WNT9A: variants seen among roughly 807,000 people sequenced by gnomAD.
The protein encoded by WNT9A is protein Wnt-9a.
A neutral mutation model predicts 31.4 loss-of-function variants in WNT9A; 8 were observed. The observed-to-expected ratio is 0.26, with a 90% confidence interval of 0.15 to 0.46. WNT9A has a LOEUF of 0.46. Among genes scored for constraint, WNT9A ranks in the 20% least tolerant of loss-of-function variants. The pLI is 0.99. For missense variants in WNT9A, 457 were observed against 522.9 expected (o/e 0.87, Z 1.23); for synonymous variants, 236 against 220.1 (o/e 1.07, Z -0.64).
intron 1 of WNT9A, among the ~76,000 whole-genome samples, chr1:227,943,340 G>T (rs1009469142): frequency 3.9e-5 from 6 of 152,216 alleles, no homozygotes; most frequent in African/African-American, 7.2e-5. Flanking sequence ...TAGAGACAAG[G>T]TTCTTCTCAG....
At chr1:227,938,691 A>AT (rs1258949480) in intron 1 of WNT9A, among the ~76,000 whole-genome samples, 1 of 152,164 alleles carries the variant, frequency 6.6e-6, no homozygotes, top group Non-Finnish European at 1.5e-5. Context: ...ATGTACACAC[A>AT]TAAGATCCAT....
In WNT9A at chr1:227,919,308, CCAGA is replaced by C. The variant is rs1245374919; in HGVS notation, c.*2206_*2209del. 2.0e-5 allele frequency: 3 copies of C among 152,170 alleles called. No homozygotes were observed. Among genetic ancestry groups the C allele is most frequent in the Admixed American group, 6.6e-5 (1 of 15,266 alleles). The allele number at this position is 152,170 out of a possible 1,614,324, so 9.4% of individuals were successfully genotyped here. On this transcript the variant is annotated 3_prime_UTR_variant, in exon 4 of 4. Transcript: ENST00000272164. ...CCCCACCCCTTCTAGCCAGGCTTCA[CCAGA>C]CAAAGGACAAACCCAGCGTCTTGCA...
At position 227,924,054 on chromosome 1, in the gene WNT9A, G is replaced by A. The variant is rs920141834; in HGVS notation, c.615+84C>T. On this transcript the variant is annotated intron_variant, in intron 3 of 3. Coordinates refer to ENST00000272164, the MANE Select transcript of WNT9A (RefSeq NM_003395.4). ...TGCCTGCCTGCCCTGCTGCAGCCCC[G>A]CCCCCAGTCCCACGCCCCACCCCCA... The A allele has an allele frequency of 2.6e-4, 39 of 148,286 alleles. 1 individual carries two copies. Among genetic ancestry groups the A allele is most frequent in the Middle Eastern group, 6.5e-3 (2 of 308 alleles). 9.2% of individuals were successfully genotyped at this position (148,286 alleles called of 1,614,324 possible).
chr1:227,944,277 G>A (rs183080310), intron 1 of WNT9A, among the ~76,000 whole-genome samples: 89 of 152,272 alleles, frequency 5.8e-4, no homozygotes, highest in African/African-American at 2.1e-3. Flanking sequence ...GAGGCCACAC[G>A]GCATAGGATT....
chr1:227,931,490 T>C (rs543871217), intron 1 of WNT9A, among the ~76,000 whole-genome samples: 1 of 152,360 alleles, frequency 6.6e-6, no homozygotes, highest in East Asian at 1.9e-4. Context: ...GGCAAAAAGA[T>C]TTCCTTTCTG....
chr1:227,946,131 C>T lies in WNT9A; in HGVS notation c.95+1662G>A, dbSNP rs916431770. Among the ~76,000 whole-genome samples the T allele has an allele frequency of 5.9e-5, 9 of 152,250 alleles. 1 individual carries two copies. Among genetic ancestry groups the T allele is most frequent in the African/African-American group, 2.2e-4 (9 of 41,470 alleles). ...GGGGGCCTGGCCAGAGAAGCCACAA[C>T]AGCACTTAAGTCCTTGCTATGCGCC... is the stretch of plus-strand genomic sequence containing the variant. On this transcript the variant is annotated intron_variant, in intron 1 of 3. Coordinates refer to ENST00000272164, the MANE Select transcript of WNT9A (RefSeq NM_003395.4).
intron 1 of WNT9A, 38 bp downstream of exon 1, chr1:227,947,755 C>G: frequency 9.5e-7 from 1 of 1,052,410 alleles, no homozygotes; most frequent in Non-Finnish European, 1.1e-6. Flanking sequence ...CCCGCCGCCC[C>G]CGCCCACCAG....
intron 1 of WNT9A, among the ~76,000 whole-genome samples, chr1:227,945,309 A>G (rs1388446125): frequency 2.0e-5 from 3 of 152,196 alleles, no homozygotes; most frequent in African/African-American, 7.2e-5. Flanking sequence ...GAGGAGGCAC[A>G]TGGACATAGC....
chr1:227,938,428 C>T (rs913145747), intron 1 of WNT9A, among the ~76,000 whole-genome samples: 4 of 151,732 alleles, frequency 2.6e-5, no homozygotes, highest in East Asian at 1.9e-4. Flanking sequence ...CACACCCATA[C>T]GAACCCATAA....
chr1:227,932,767 C>T (rs867329005), intron 1 of WNT9A, among the ~76,000 whole-genome samples: 4 of 152,192 alleles, frequency 2.6e-5, no homozygotes, highest in South Asian at 2.1e-4. Context: ...CTTGGGTGAA[C>T]GGGACACTGC....
chr1:227,940,782 A>G (rs1666689902), intron 1 of WNT9A, among the ~76,000 whole-genome samples: 1 of 152,226 alleles, frequency 6.6e-6, no homozygotes, highest in South Asian at 2.1e-4. Context: ...CCAGCTGGAC[A>G]GCTGGGCTTC....
At chr1:227,931,122 T>C (rs1355551650) in intron 1 of WNT9A, among the ~76,000 whole-genome samples, 1 of 152,114 alleles carries the variant, frequency 6.6e-6, no homozygotes, top group Admixed American at 6.5e-5. Context: ...AGTCTAACAC[T>C]GCCACCGAGG....
At chr1:227,938,112 C>T (rs772898388) in intron 1 of WNT9A, among the ~76,000 whole-genome samples, 3 of 152,142 alleles carry the variant, frequency 2.0e-5, no homozygotes, top group Admixed American at 6.5e-5. Flanking sequence ...CTCACACTTT[C>T]TTGTTCAGCA....
chr1:227,924,441 A>G (rs1261371879), intron 2 of WNT9A, 41 bp from the exon 3 acceptor site: 14 of 1,586,846 alleles, frequency 8.8e-6, no homozygotes, highest in Non-Finnish European at 1.2e-5. Context: ...CAGGCTGCCC[A>G]GAGTTCCCCC....
In WNT9A at chr1:227,921,701, G is replaced by A. The variant is rs1666317711; in HGVS notation, c.915C>T (p.Ser305=). 3.1e-6 allele frequency: 5 copies of A among 1,612,848 alleles called. No individual in the cohort carries two copies. Among genetic ancestry groups the A allele is most frequent in the South Asian group, 1.1e-5 (1 of 91,084 alleles). ...SPSFCLAGRF[S]PGTAGRRCHR... ...GGCACCTACGGCCAGCGGTGCCCGG[G>A]GAGAAGCGGCCAGCCAGGCAGAAGC... Residue 305 remains serine, a synonymous_variant, in exon 4 of 4, where the codon TCC becomes TCT. Transcript: ENST00000272164.
rs1666309388 is a variant in WNT9A, at chr1:227,921,377, C to G, written c.*141G>C. On this transcript the variant is annotated 3_prime_UTR_variant, in exon 4 of 4. Transcript: ENST00000272164. ...GGGACTCAGCCCATGCAGGTGTAGA[C>G]CCATTCACACTGTGTGCAATGCCTG... 1.5e-6 allele frequency: 2 copies of G among 1,355,178 alleles called. No individual in the cohort carries two copies. The highest frequency in any genetic ancestry group is 4.6e-5 in the Admixed American group (2 of 43,308). The allele number at this position is 1,355,178 out of a possible 1,614,324, so 83.9% of individuals were successfully genotyped here.
chr1:227,940,684 C>T (rs1294490606), intron 1 of WNT9A, among the ~76,000 whole-genome samples: 2 of 152,258 alleles, frequency 1.3e-5, no homozygotes, highest in Non-Finnish European at 2.9e-5. Context: ...GCACTGACCT[C>T]AGGTATCGCT....
In WNT9A at chr1:227,921,158, C is replaced by G. The variant is rs1473478559; in HGVS notation, c.*360G>C. 3.7e-6 allele frequency: 1 copy of G among 268,516 alleles called. No homozygotes were observed. Among genetic ancestry groups the G allele is most frequent in the Non-Finnish European group, 7.2e-6 (1 of 139,542 alleles). The allele number at this position is 268,516 out of a possible 1,614,324, so 16.6% of individuals were successfully genotyped here. ...CTCTGAGCAGCAGGGCTGACTGGGC[C>G]CAGGGCCTCAGCCCTTGCAGGTGTA... On this transcript the variant is annotated 3_prime_UTR_variant, in exon 4 of 4. Transcript: ENST00000272164.
intron 1 of WNT9A, among the ~76,000 whole-genome samples, chr1:227,940,475 G>A (rs1271521305): frequency 6.6e-6 from 1 of 152,104 alleles, no homozygotes; most frequent in African/African-American, 2.4e-5. Context: ...ATCCCTTCTG[G>A]AGCTCACTCT....
Sources: allele counts gnomAD v4.1 joint callset (sites outside exome capture counted in the v4.1 genomes callset), GRCh38; gene constraint gnomAD v4.1.1; transcripts MANE v1.5; gene names NCBI Gene and HGNC (gene_info 2026-07-23, HGNC 2026-07-21).